HMCN1: variants seen among roughly 807,000 people sequenced by gnomAD.
The protein encoded by HMCN1 is hemicentin 1, also known as hemicentin-1.
A neutral mutation model predicts 625.9 loss-of-function variants in HMCN1; 321 were observed. The observed-to-expected ratio is 0.51, with a 90% CI of 0.47 to 0.56. HMCN1 has a LOEUF of 0.56. HMCN1 is among the 20% of genes least tolerant of loss of function. The pLI, the probability that HMCN1 is intolerant of heterozygous loss-of-function variation, is 0.00. For synonymous variants in HMCN1, 2,425 were observed against 2,417.6 expected (o/e 1.00, Z -0.09); for missense variants, 6,588 against 6,887.3 (o/e 0.96, Z 1.54).
chr1:185,843,992 C>A lies in HMCN1; in HGVS notation c.269-2034C>A, dbSNP rs190528497. ...GGGAATGTCCTTGCATGTTTACACT[C>A]TTTATTATGATATAATTGTTTTTTT... On this transcript the variant is annotated intron_variant, in intron 1 of 106. Coordinates refer to ENST00000271588, the MANE Select transcript of HMCN1 (RefSeq NM_031935.3). 7.6e-4 allele frequency among the ~76,000 whole-genome samples: 115 copies of A among 152,178 alleles called. 1 individual carries two copies. Among genetic ancestry groups the A allele is most frequent in the South Asian group, 4.1e-4 (2 of 4,824 alleles).
chr1:186,117,353 AACTTTC>A, intron 76 of HMCN1, 100 bp from the exon 77 acceptor site: 1 of 1,347,564 alleles, frequency 7.4e-7, no homozygotes, highest in Non-Finnish European at 1.0e-6. Flanking sequence ...CTACTTACCT[AACTTTC>A]ACTTTCAGAG....
At chr1:185,880,299 A>G (rs1367618751) in intron 4 of HMCN1, among the ~76,000 whole-genome samples, 17 of 152,212 alleles carry the variant, frequency 1.1e-4, no homozygotes, top group Non-Finnish European at 2.1e-4. Context: ...TAGAACATAA[A>G]GCAAAAGTAC....
intron 22 of HMCN1, among the ~76,000 whole-genome samples, chr1:185,992,670 G>C (rs74134269): frequency 0.025 from 3,762 of 152,206 alleles, 151 homozygotes; most frequent in African/African-American, 0.086. Context: ...AGCTGTATAA[G>C]AAATCTTGGT....
In HMCN1 at chr1:186,125,773, A is replaced by C; in HGVS notation, c.12669A>C (p.Glu4223Asp). The C allele has an allele frequency of 2.5e-6, 4 of 1,613,108 alleles. No individual in the cohort carries two copies. The highest frequency in any genetic ancestry group is 3.4e-6 in the Non-Finnish European group (4 of 1,179,264). Residue 4223 changes from glutamate to aspartate, a missense_variant, in exon 82 of 107, where the codon GAA becomes GAC. Glu to Asp is a conservative substitution (Grantham distance 45, BLOSUM62 2). Transcript: ENST00000271588. ...AATACACTGCTGAACCATATGGAGA[A>C]CTCATTTTAGAAAATGTTGTGGTAA... ...LGKYTAEPYG[E>D]LILENVVLED...
At chr1:185,958,881 C>T (rs531691783) in intron 11 of HMCN1, among the ~76,000 whole-genome samples, 10 of 152,124 alleles carry the variant, frequency 6.6e-5, no homozygotes, top group Non-Finnish European at 1.0e-4. Flanking sequence ...GTTAGATACC[C>T]GGCATGTAAT....
At chr1:185,871,773 G>A (rs892530511) in intron 4 of HMCN1, among the ~76,000 whole-genome samples, 1 of 152,140 alleles carries the variant, frequency 6.6e-6, no homozygotes, top group African/African-American at 2.4e-5. Flanking sequence ...CTTTGCTGGA[G>A]TATGAATCTG....
intron 10 of HMCN1, among the ~76,000 whole-genome samples, chr1:185,929,257 T>G (rs931727046): frequency 1.3e-5 from 2 of 152,144 alleles, no homozygotes; most frequent in Non-Finnish European, 2.9e-5. Flanking sequence ...ACACAGGACC[T>G]CAGTGGCTAC....
chr1:186,036,811 C>G (rs896656646), intron 36 of HMCN1, among the ~76,000 whole-genome samples: 1 of 151,750 alleles, frequency 6.6e-6, no homozygotes, highest in African/African-American at 2.4e-5. Flanking sequence ...AGGCTGGTCT[C>G]AAACTCCTGA....
intron 89 of HMCN1, among the ~76,000 whole-genome samples, chr1:186,142,384 C>T (rs1296002358): frequency 6.6e-6 from 1 of 152,146 alleles, no homozygotes; most frequent in Non-Finnish European, 1.5e-5. Context: ...ACGTATGGTA[C>T]CACATTTTCT....
intron 6 of HMCN1, among the ~76,000 whole-genome samples, chr1:185,921,221 A>G (rs1474775992): frequency 2.6e-5 from 4 of 152,240 alleles, no homozygotes; most frequent in Admixed American, 2.6e-4. Context: ...ATTTATGCTA[A>G]GAATATAGCA....
At chr1:186,166,326 C>T (rs1651877301) in intron 99 of HMCN1, 23 bp downstream of exon 99, 2 of 1,613,844 alleles carry the variant, frequency 1.2e-6, no homozygotes, top group African/African-American at 2.7e-5. Context: ...CTAATACACA[C>T]ATTTAAGCAA....
At chr1:186,184,933 T>C (rs971579812) in intron 105 of HMCN1, among the ~76,000 whole-genome samples, 5 of 151,954 alleles carry the variant, frequency 3.3e-5, no homozygotes, top group Admixed American at 6.6e-5. Flanking sequence ...TTCTGTCTTC[T>C]TTTTTTTAAG....
In HMCN1 at chr1:186,121,151, A is replaced by T. The variant is rs1162383969; in HGVS notation, c.12229+1006A>T. ...AAAGAGTGAGAAAAGAAAGTATGGC[A>T]GTGTGGCTAGATGGTGGTGAGCAAG... On this transcript the variant is annotated intron_variant, in intron 80 of 106. Transcript: ENST00000271588. Among the ~76,000 whole-genome samples, 8 of 152,224 alleles carry T rather than the reference A, an allele frequency of 5.3e-5. No homozygotes were observed. In the South Asian group the frequency reaches 6.2e-4, roughly 12 times the overall value.
At chr1:186,149,783 A>G (rs781162105) in intron 93 of HMCN1, among the ~76,000 whole-genome samples, 28 of 152,178 alleles carry the variant, frequency 1.8e-4, no homozygotes, top group Admixed American at 1.6e-3. Context: ...TTGTAGGGTG[A>G]ATAATTGGCC....
intron 93 of HMCN1, among the ~76,000 whole-genome samples, chr1:186,148,023 A>T (rs1327067751): frequency 6.6e-6 from 1 of 152,264 alleles, no homozygotes; most frequent in Non-Finnish European, 1.5e-5. Flanking sequence ...CTTTACCCAC[A>T]GTAAAACTTT....
Position 186,189,851 on chromosome 1 carries a change from T to C in HMCN1, c.16881T>C (p.Tyr5627=), listed in dbSNP as rs1052258775. 2.5e-6 allele frequency: 4 copies of C among 1,613,664 alleles called. No homozygotes were observed. Among genetic ancestry groups the C allele is most frequent in the Non-Finnish European group, 3.4e-6 (4 of 1,179,836 alleles). The change falls in exon 107 of 107, where the codon TAT becomes TAC. Residue 5627 remains tyrosine, a synonymous_variant. Coordinates refer to ENST00000271588, the MANE Select transcript of HMCN1 (RefSeq NM_031935.3). ...TIEYQTTFIV[Y]IAVSAYPY ...AATATCAGACCACATTCATAGTTTA[T>C]ATAGCTGTGTCCGCCTATCCATACT...
chr1:186,017,798 T>C (rs1201150357), intron 33 of HMCN1, among the ~76,000 whole-genome samples: 1 of 152,016 alleles, frequency 6.6e-6, no homozygotes, highest in Non-Finnish European at 1.5e-5. Context: ...ATTTTTTTGG[T>C]ACATAGTGGG....
intron 100 of HMCN1, among the ~76,000 whole-genome samples, chr1:186,170,985 G>A (rs538500661): frequency 6.6e-6 from 1 of 152,310 alleles, no homozygotes; most frequent in East Asian, 1.9e-4. Context: ...TGTTGTTGGA[G>A]TTTTTTCCCT....
intron 36 of HMCN1, among the ~76,000 whole-genome samples, chr1:186,027,436 G>GA: frequency 6.6e-6 from 1 of 152,078 alleles, no homozygotes; most frequent in Middle Eastern, 3.4e-3. Flanking sequence ...TATTTCCCAG[G>GA]AAAAAAATTA....
Sources: allele counts gnomAD v4.1 joint callset (sites outside exome capture counted in the v4.1 genomes callset), GRCh38; gene constraint gnomAD v4.1.1; transcripts MANE v1.5; gene names NCBI Gene and HGNC (gene_info 2026-07-23, HGNC 2026-07-21).